UMODL1: variants seen among roughly 807,000 people sequenced by gnomAD.
UMODL1 encodes uromodulin like 1.
In UMODL1, 128 loss-of-function variants were observed where a neutral mutation model predicts 136.3. The observed-to-expected ratio is 0.94, with a 90% CI of 0.81 to 1.09. The LOEUF (loss-of-function observed/expected upper bound fraction) is 1.09, where lower values mean the gene tolerates loss of function less well. UMODL1 is among the 50% of genes least tolerant of loss of function. The pLI, the probability that UMODL1 is intolerant of heterozygous loss-of-function variation, is 0.00. For missense variants in UMODL1, 1,766 were observed against 1,725.6 expected, an observed-to-expected ratio of 1.02 and a Z score of -0.41; for synonymous variants, 721 against 720.0, an observed-to-expected ratio of 1.00 and a Z score of -0.02.
intron 2 of UMODL1, among the ~76,000 whole-genome samples, chr21:42,078,019 G>A (rs73371571): frequency 0.017 from 2,530 of 152,254 alleles, 59 homozygotes; most frequent in African/African-American, 0.054. Flanking sequence ...CTGTTGCCCC[G>A]TTCAGAGGGC....
upstream of UMODL1, among the ~76,000 whole-genome samples, chr21:42,069,538 G>A (rs147286672): frequency 4.1e-4 from 63 of 152,196 alleles, no homozygotes; most frequent in Non-Finnish European, 8.2e-4. Context: ...TGCGGCTTGA[G>A]GCTTAGACAA....
In UMODL1 at chr21:42,111,534, C is replaced by T. The variant is rs776576589; in HGVS notation, c.1928C>T (p.Pro643Leu). The change falls in exon 12 of 23, where the codon CCC (proline) becomes CTC (leucine). Residue 643 changes from proline (P) to leucine (L), a missense_variant. By Grantham distance (98) the Pro-to-Leu change is moderately conservative. Coordinates refer to ENST00000408910, the MANE Select transcript of UMODL1 (RefSeq NM_001004416.3). ...ELQGNSIMEPPSWPSPTEDPT... is the reference protein window; with the variant it reads ...ELQGNSIMEPLSWPSPTEDPT... ...CAGGGAAACTCCATCATGGAGCCACCCTCCTGGCCTTCCCCTACTGAGGAC... is the reference window on the plus strand; with the variant it reads ...CAGGGAAACTCCATCATGGAGCCACTCTCCTGGCCTTCCCCTACTGAGGAC... 1.9e-6 allele frequency: 3 copies of T among 1,614,070 alleles called. No individual in the cohort carries two copies. The East Asian group carries it at 6.7e-5, about 36-fold the overall frequency.
chr21:42,094,716 C>A (rs1310753322), intron 6 of UMODL1, among the ~76,000 whole-genome samples: 1 of 152,178 alleles, frequency 6.6e-6, no homozygotes, highest in Admixed American at 6.5e-5. Context: ...ACCCCAAGGT[C>A]TGTCCAACAA....
chr21:42,100,209 G>A lies in UMODL1; in HGVS notation c.1186+1029G>A, dbSNP rs190996953. Among the ~76,000 whole-genome samples the A allele has an allele frequency of 2.1e-3, 323 of 152,298 alleles. 2 individuals carry two copies. Among genetic ancestry groups the A allele is most frequent in the Non-Finnish European group, 3.6e-3 (246 of 68,016 alleles). On this transcript the variant is annotated intron_variant, in intron 7 of 22. Transcript: ENST00000408910. ...CTGGGTTCCGATGTGTGTCCCTGAC[G>A]TAGAGCCAGTGGGAGCCCTGGGCTG...
At chr21:42,071,502 C>A in intron 1 of UMODL1, 110 bp downstream of exon 1, 1 of 1,108,878 alleles carries the variant, frequency 9.0e-7, no homozygotes, top group Non-Finnish European at 1.2e-6. Context: ...GACGCCTCTG[C>A]TTGGAGAGGC....
Position 42,099,163 on chromosome 21 carries a change from C to G in UMODL1, c.1169C>G (p.Thr390Arg), listed in dbSNP as rs199769190. The G allele has an allele frequency of 2.5e-6, 4 of 1,612,410 alleles. No homozygotes were observed. The Admixed American group carries it at 5.0e-5, about 20-fold the overall frequency. Residue 390 changes from threonine (T) to arginine (R), a missense_variant, in exon 7 of 23, where the codon ACG (threonine) becomes AGG (arginine). Coordinates refer to ENST00000408910, the MANE Select transcript of UMODL1 (RefSeq NM_001004416.3). The surrounding 1 kb of genome is among the most constrained non-coding windows in gnomAD (Gnocchi z 4.1). ...GGGTGCGGGGCCGACGTCTCCACCA[C>G]GCTGACCATCAAAACCAGTAAGGCC... ...YQGCGADVST[T>R]LTIKTNAQVF... is the part of the protein sequence containing the mutation.
chr21:42,101,256 T>C (rs2066628100), intron 7 of UMODL1, among the ~76,000 whole-genome samples: 2 of 151,986 alleles, frequency 1.3e-5, no homozygotes, highest in South Asian at 4.2e-4. Flanking sequence ...CCCAGGGCCC[T>C]GGAGGAGGCC....
chr21:42,114,121 G>A (rs1219830810), intron 13 of UMODL1, among the ~76,000 whole-genome samples: 1 of 152,226 alleles, frequency 6.6e-6, no homozygotes, highest in Non-Finnish European at 1.5e-5. Context: ...TCCGGGGGAG[G>A]CAGCATGGAA....
intron 22 of UMODL1, among the ~76,000 whole-genome samples, chr21:42,141,489 C>A (rs777447651): frequency 6.6e-6 from 1 of 152,230 alleles, no homozygotes; most frequent in Non-Finnish European, 1.5e-5. Flanking sequence ...CGAATCCCAG[C>A]GATGAGGCCA....
Position 42,111,131 on chromosome 21 carries a change from ACTGCCCCGGGT to A in UMODL1, c.1899+14_1899+24del. ...AGGCGTGGAGCAGGAGGTGCCCAGCACTGCCCCGGGTCTGGGGATGGACCAGGGGAGCCCCA... is the reference window on the plus strand; with the variant it reads ...AGGCGTGGAGCAGGAGGTGCCCAGCACTGGGGATGGACCAGGGGAGCCCCA... On this transcript the variant is annotated intron_variant, in intron 11 of 22. Transcript: ENST00000408910. 6.2e-7 allele frequency: 1 copy of A among 1,602,696 alleles called. No homozygotes were observed. Among genetic ancestry groups the A allele is most frequent in the Non-Finnish European group, 8.5e-7 (1 of 1,175,144 alleles).
intron 6 of UMODL1, among the ~76,000 whole-genome samples, chr21:42,094,354 G>A (rs547477956): frequency 3.9e-5 from 6 of 152,336 alleles, no homozygotes; most frequent in East Asian, 1.9e-4. Flanking sequence ...ACGGCTGCCC[G>A]GGAAGAAACA....
chr21:42,111,180 C>T, intron 11 of UMODL1, 59 bp downstream of exon 11: 3 of 1,564,852 alleles, frequency 1.9e-6, no homozygotes, highest in Non-Finnish European at 2.6e-6. Context: ...CAGGTGAACC[C>T]CAGCCAGGGG....
rs569044800 is a variant in UMODL1 at position 42,076,053 on chromosome 21, C to G, written c.125C>G (p.Thr42Ser). 1.9e-5 allele frequency: 31 copies of G among 1,614,202 alleles called. No homozygotes were observed. The Admixed American group carries it at 4.7e-4, about 24-fold the overall frequency. ...LGYQLCSHRV[T>S]HTVQKVEAVQ... ...TACCAGCTATGCAGCCACCGTGTGA[C>G]CCACACTGTACAGAAGGTGGAGGCC... The change falls in exon 2 of 23, where the codon ACC (threonine) becomes AGC (serine). Residue 42 changes from threonine to serine, a missense_variant. Thr to Ser is a moderately conservative substitution (Grantham distance 58). Transcript: ENST00000408910.
At chr21:42,110,059 G>T (rs2066796831) in intron 10 of UMODL1, among the ~76,000 whole-genome samples, 1 of 130,754 alleles carries the variant, frequency 7.6e-6, no homozygotes, top group African/African-American at 3.1e-5. Context: ...TCCTTCCCCA[G>T]TGGCCTGGAG....
intron 21 of UMODL1, among the ~76,000 whole-genome samples, chr21:42,133,661 G>C (rs113892043): frequency 0.062 from 9,443 of 152,300 alleles, 410 homozygotes; most frequent in Middle Eastern, 0.1. Flanking sequence ...CTCCCTTGCC[G>C]CTTCCTCGTT....
rs568120363 is a variant in UMODL1 at position 42,075,257 on chromosome 21, C to T, written c.77-748C>T. On this transcript the variant is annotated intron_variant, in intron 1 of 22. Transcript: ENST00000408910. ...TGCTGGAGATGGGGGGGGGGTTTCA[C>T]CATGTTGGCCGGGCTGGTCTCGAAC... Among the ~76,000 whole-genome samples the T allele has an allele frequency of 2.6e-3, 393 of 151,820 alleles. 3 individuals carry two copies. Among genetic ancestry groups the T allele is most frequent in the African/African-American group, 9.0e-3 (372 of 41,360 alleles).
chr21:42,139,140 AG>A lies in UMODL1; in HGVS notation c.*21+1503del, dbSNP rs534668402. 2.0e-5 allele frequency among the ~76,000 whole-genome samples: 3 copies of A among 152,266 alleles called. No individual in the cohort carries two copies. The South Asian group carries it at 6.2e-4, about 32-fold the overall frequency. On this transcript the variant is annotated intron_variant, in intron 22 of 22. Transcript: ENST00000408910. ...CCGAGACTGCCCCACTACACTCCAGAGGGGAACCCTGCCTCAAAAATAAATA... is the reference window on the plus strand; with the variant it reads ...CCGAGACTGCCCCACTACACTCCAGAGGGAACCCTGCCTCAAAAATAAATA...
chr21:42,119,583 G>A lies in UMODL1; in HGVS notation c.2689+259G>A, dbSNP rs561186383. Among the ~76,000 whole-genome samples the A allele has an allele frequency of 3.0e-4, 45 of 152,216 alleles. 2 individuals are homozygous for A. Among genetic ancestry groups the A allele is most frequent in the African/African-American group, 8.7e-4 (36 of 41,510 alleles). On this transcript the variant is annotated intron_variant, in intron 15 of 22. Coordinates refer to ENST00000408910, the MANE Select transcript of UMODL1 (RefSeq NM_001004416.3). The stretch of plus-strand genomic sequence containing the variant: ...AGGGGTGCTGCTTTCTTTCCGGGTC[G>A]ACTGCCCCCTCGCTGCTTGTTTCCA...
At chr21:42,135,880 C>T (rs1179894672) in intron 21 of UMODL1, among the ~76,000 whole-genome samples, 1 of 152,142 alleles carries the variant, frequency 6.6e-6, no homozygotes, top group Non-Finnish European at 1.5e-5. Flanking sequence ...CATGCTGTTC[C>T]CTGGGGGACA....
Sources: allele counts gnomAD v4.1 joint callset (sites outside exome capture counted in the v4.1 genomes callset), GRCh38; gene constraint gnomAD v4.1.1; non-coding constraint Gnocchi (gnomAD v3.1); transcripts MANE v1.5; gene names NCBI Gene and HGNC (gene_info 2026-07-23, HGNC 2026-07-21).